The following CORO6 variants were observed in gnomAD, a reference collection of about 807,000 sequenced individuals.
CORO6 encodes coronin 6, also known as coronin-6.
A neutral mutation model predicts 49.0 loss-of-function variants in CORO6; 43 were observed. That is an observed-to-expected ratio of 0.88 (90% confidence interval 0.69 to 1.13). CORO6 has a LOEUF of 1.13. CORO6 is among the 50% of genes most tolerant of loss of function. CORO6 has a pLI of 0.00. For synonymous variants in CORO6, 233 were observed against 256.5 expected, an observed-to-expected ratio of 0.91 and a Z score of 0.88; for missense variants, 650 against 647.0, an observed-to-expected ratio of 1.00 and a Z score of -0.05.
chr17:29,617,645 G>A (rs760768811), intron 5 of CORO6, 26 bp from the exon 6 acceptor site: 19 of 1,567,374 alleles, frequency 1.2e-5, no homozygotes, highest in Admixed American at 5.6e-5. Flanking sequence ...GACAGGGAGG[G>A]ACATCACCCA....
intron 6 of CORO6, 171 bp downstream of exon 6, chr17:29,617,329 G>A (rs2150925558): frequency 6.5e-7 from 1 of 1,530,460 alleles, no homozygotes; most frequent in Non-Finnish European, 8.7e-7. Flanking sequence ...TCCTTCACGC[G>A]ACGCAGCAAA....
Position 29,618,883 on chromosome 17 carries a change from A to G in CORO6, c.540T>C (p.Ser180=), listed in dbSNP as rs1007293717. ...LDDMHPDVIH[S]VCWNSNGSLL... ...GGCTACCGTTGCTGTTCCAGCACAC[A>G]CTGTGGATGACGTCTGGGTGCATAT... Residue 180 remains serine, a synonymous_variant, in exon 5 of 11, where the codon AGT becomes AGC. Transcript: ENST00000388767. The G allele has an allele frequency of 6.2e-7, 1 of 1,613,730 alleles. No homozygotes were observed. Among genetic ancestry groups the G allele is most frequent in the Non-Finnish European group, 8.5e-7 (1 of 1,179,978 alleles).
chr17:29,616,097 C>G lies in CORO6; in HGVS notation c.1141G>C (p.Gly381Arg). The G allele has an allele frequency of 2.5e-6, 4 of 1,613,128 alleles. No homozygotes were observed. The highest frequency in any genetic ancestry group is 2.7e-5 in the African/African-American group (2 of 75,048). Residue 381 changes from glycine to arginine, a missense_variant, in exon 10 of 11, where the codon GGC becomes CGC. Physicochemically the swap from Gly to Arg is moderately radical, Grantham distance 125. Coordinates refer to ENST00000388767, the MANE Select transcript of CORO6 (RefSeq NM_032854.4). This position sits in a 1 kb window ranked among gnomAD's most constrained non-coding sequence, Gnocchi z 5.6. ...PALEADEWLS[G>R]QDAEPVLISL... ...ATGAGCACGGGTTCGGCGTCCTGGC[C>G]GGATAGCCATTCGTCCGCTTCTAGG...
rs556568259 is a variant in CORO6, at chr17:29,616,018, T to C, written c.1220A>G (p.Lys407Arg). 21 of 1,605,926 alleles carry C rather than the reference T, an allele frequency of 1.3e-5. No individual in the cohort carries two copies. The African/African-American group carries it at 2.4e-4, about 18-fold the overall frequency. Residue 407 changes from lysine (K) to arginine (R), a missense_variant, in exon 10 of 11, where the codon AAG becomes AGG. By Grantham distance (26) the Lys-to-Arg change is conservative. Transcript: ENST00000388767. The surrounding 1 kb of genome is among the most constrained non-coding windows in gnomAD (Gnocchi z 5.6). ...CGGGCGCACGTCCAGGATGTTGCGC[T>C]TCGTGACCCGGAGCTCGCGGTGCTT... Reference protein sequence around the residue: ...PPKHRELRVTKRNILDVRPPS... With the variant: ...PPKHRELRVTRRNILDVRPPS...
In CORO6 at chr17:29,618,943, A is replaced by G. The variant is rs1360934166; in HGVS notation, c.480T>C (p.Asn160=). The G allele has an allele frequency of 5.6e-6, 9 of 1,613,770 alleles. No individual in the cohort carries two copies. The South Asian group carries it at 9.9e-5, about 18-fold the overall frequency. Residue 160 remains asparagine (N), a synonymous_variant, in exon 5 of 11, where the codon AAT becomes AAC. Transcript: ENST00000388767. ...TCAGCAGCACCTCCCCGGTGCCCACATTCCAGATGATGATCACATTGTCAC... is the reference window on the plus strand; with the variant it reads ...TCAGCAGCACCTCCCCGGTGCCCACGTTCCAGATGATGATCACATTGTCAC... The part of the protein sequence containing the change: ...AGGDNVIIIW[N]VGTGEVLLSL...
At chr17:29,617,735 G>A in intron 5 of CORO6, 116 bp from the exon 6 acceptor site, 1 of 1,166,654 alleles carries the variant, frequency 8.6e-7, no homozygotes. Flanking sequence ...GCGGATGCGG[G>A]GAAGAGACAA....
In CORO6 at chr17:29,622,674, G is replaced by T. The variant is rs527482000; in HGVS notation, c.-64+14C>A. On this transcript the variant is annotated intron_variant, in intron 1 of 10. Transcript: ENST00000388767. Reference sequence around the variant, plus strand: ...GCTGGCTGCGGTGACGGCCGGGTGTGGGGGGCTGGGTACCTGGTCCTGAGC... The same window carrying T: ...GCTGGCTGCGGTGACGGCCGGGTGTTGGGGGCTGGGTACCTGGTCCTGAGC... The T allele has an allele frequency of 3.0e-3, 3,608 of 1,194,230 alleles. 6 individuals are homozygous for T. Among genetic ancestry groups the T allele is most frequent in the Non-Finnish European group, 3.7e-3 (3,455 of 932,188 alleles). The allele number at this position is 1,194,230 out of a possible 1,614,324, so 74.0% of individuals were successfully genotyped here.
intron 5 of CORO6, 173 bp from the exon 6 acceptor site, chr17:29,617,792 G>A (rs926931585): frequency 2.6e-6 from 2 of 763,748 alleles, no homozygotes; most frequent in South Asian, 1.9e-5. Flanking sequence ...TCTGGCCCCT[G>A]ACCTGGAGAG....
Position 29,615,734 on chromosome 17 carries a change from A to G in CORO6, c.1417T>C (p.Ter473GlnextTer54). Residue 473 changes from the stop codon to glutamine (Q), a stop_lost, in exon 11 of 11, where the codon TAG becomes CAG. Coordinates refer to ENST00000388767, the MANE Select transcript of CORO6 (RefSeq NM_032854.4). ...CTCCGCCTGCCTGGCGCGCGGGGCT[A>G]GTCCGTGCCGTCCACCAGCTCGCAC... ...MLCELVDGTD[*>Q] 1.3e-6 allele frequency: 2 copies of G among 1,542,766 alleles called. No homozygotes were observed. The highest frequency in any genetic ancestry group is 1.7e-6 in the Non-Finnish European group (2 of 1,144,788).
rs540588093 is a variant in CORO6 at position 29,621,171 on chromosome 17, C to G, written c.198+53G>C. ...GGTGAGAACAAAGGCTCAGGAGTTC[C>G]CAGGGGCCCCAGCTAGTGTCCTCCC... is the stretch of plus-strand genomic sequence containing the variant. On this transcript the variant is annotated intron_variant, in intron 2 of 10. Coordinates refer to ENST00000388767, the MANE Select transcript of CORO6 (RefSeq NM_032854.4). This position sits in a 1 kb window ranked among gnomAD's most constrained non-coding sequence, Gnocchi z 4.2. 1.9e-6 allele frequency: 3 copies of G among 1,607,874 alleles called. No individual in the cohort carries two copies. In the African/African-American group the frequency reaches 4.0e-5, roughly 22 times the overall value.
rs1305612801 is a variant in CORO6 at position 29,615,792 on chromosome 17, C to G, written c.1359G>C (p.Gln453His). The G allele has an allele frequency of 6.4e-7, 1 of 1,563,756 alleles. No homozygotes were observed. The highest frequency in any genetic ancestry group is 8.7e-7 in the Non-Finnish European group (1 of 1,154,874). ...TCTCCAGAGCCGTGATGCGCTGCTCCTGGGCCTGCACCCGCTCGCGGAGGG... is the reference window on the plus strand; with the variant it reads ...TCTCCAGAGCCGTGATGCGCTGCTCGTGGGCCTGCACCCGCTCGCGGAGGG... The part of the protein sequence containing the change: ...IKALRERVQA[Q>H]EQRITALENM... Residue 453 changes from glutamine to histidine, a missense_variant, in exon 11 of 11, where the codon CAG (glutamine) becomes CAC (histidine). Gln to His is a conservative substitution (Grantham distance 24). Transcript: ENST00000388767.
intron 1 of CORO6, chr17:29,622,109 C>A (rs1206668952): frequency 1.3e-5 from 2 of 154,028 alleles, no homozygotes; most frequent in African/African-American, 4.8e-5. Context: ...TCTTCTCCCA[C>A]TCCTTTCTGC....
chr17:29,621,585 G>T lies in CORO6; in HGVS notation c.-63-101C>A. On this transcript the variant is annotated intron_variant, in intron 1 of 10. Transcript: ENST00000388767. The surrounding 1 kb of genome is among the most constrained non-coding windows in gnomAD (Gnocchi z 4.2). Reference sequence around the variant, plus strand: ...TAGTGTCTGGTCCTAGAAGCAGGGAGCTTTCTTCAAGGTGGTCAAAGTATG... The same window carrying T: ...TAGTGTCTGGTCCTAGAAGCAGGGATCTTTCTTCAAGGTGGTCAAAGTATG... 2 of 1,275,328 alleles carry T rather than the reference G, an allele frequency of 1.6e-6. No individual in the cohort carries two copies. The highest frequency in any genetic ancestry group is 1.5e-5 in the South Asian group (1 of 66,242). 79.0% of individuals were successfully genotyped at this position (1,275,328 alleles called of 1,614,324 possible).
chr17:29,619,005 C>T, intron 4 of CORO6, 34 bp from the exon 5 acceptor site: 1 of 1,612,186 alleles, frequency 6.2e-7, no homozygotes, highest in Non-Finnish European at 8.5e-7. Context: ...TCACCTGGGT[C>T]CCACCTTTGC....
rs779062013 is a variant in CORO6 at position 29,616,931 on chromosome 17, T to C, written c.858+7A>G. ...GTGCCCTGTTCTCCCTGCCCGGCCG[T>C]GAGCACCTTGCCACACAGGTAGACG... On this transcript the variant is annotated splice_region_variant and intron_variant, in intron 7 of 10. Coordinates refer to ENST00000388767, the MANE Select transcript of CORO6 (RefSeq NM_032854.4). The surrounding 1 kb of genome is among the most constrained non-coding windows in gnomAD (Gnocchi z 5.6). 6.2e-7 allele frequency: 1 copy of C among 1,613,614 alleles called. No homozygotes were observed. The highest frequency in any genetic ancestry group is 1.1e-5 in the South Asian group (1 of 91,080).
In CORO6 at chr17:29,621,455, A is replaced by G; in HGVS notation, c.-34T>C. 1 of 1,569,734 alleles carries G rather than the reference A, an allele frequency of 6.4e-7. No homozygotes were observed. The highest frequency in any genetic ancestry group is 1.2e-5 in the South Asian group (1 of 86,326). On this transcript the variant is annotated 5_prime_UTR_variant, in exon 2 of 11. Transcript: ENST00000388767. This position sits in a 1 kb window ranked among gnomAD's most constrained non-coding sequence, Gnocchi z 4.2. ...GCAGAGAGGTAGGATCTCAGTGCCC[A>G]GAAATGCCTTTGGTCCTTAGTCCTG...
chr17:29,618,430 T>A, intron 5 of CORO6: 1 of 1,277,840 alleles, frequency 7.8e-7, no homozygotes, highest in Non-Finnish European at 9.9e-7. Flanking sequence ...CCCTGGAAGA[T>A]GCGTCTGGGT....
chr17:29,619,867 C>G (rs2035219286), intron 2 of CORO6, 94 bp from the exon 3 acceptor site: 2 of 1,180,046 alleles, frequency 1.7e-6, no homozygotes, highest in Non-Finnish European at 2.5e-6. Context: ...TCCTTATTAC[C>G]TATTTTCTCT....
rs565068730 is a variant in CORO6 at position 29,619,284 on chromosome 17, C to T, written c.322-95G>A. 2.1e-6 allele frequency: 3 copies of T among 1,457,270 alleles called. No individual in the cohort carries two copies. The Admixed American group carries it at 6.4e-5, about 31-fold the overall frequency. The allele number at this position is 1,457,270 out of a possible 1,614,324, so 90.3% of individuals were successfully genotyped here. On this transcript the variant is annotated intron_variant, in intron 3 of 10. Coordinates refer to ENST00000388767, the MANE Select transcript of CORO6 (RefSeq NM_032854.4). ...CTTTTTTTTTAACCCTACTGGCTCT[C>T]TTGAGTGGTAAGGGTCAAATACAGG...
Sources: allele counts gnomAD v4.1 joint callset, GRCh38; gene constraint gnomAD v4.1.1; non-coding constraint Gnocchi (gnomAD v3.1); transcripts MANE v1.5; gene names NCBI Gene and HGNC (gene_info 2026-07-23, HGNC 2026-07-21).